Variants in VEGFA observed in about 807,000 individuals in gnomAD.
VEGFA encodes the protein vascular endothelial growth factor A.
A neutral mutation model predicts 49.7 loss-of-function variants in VEGFA; 20 were observed. The ratio of observed to expected loss-of-function variants is 0.40; its 90% confidence interval spans 0.28 to 0.58. VEGFA has a LOEUF of 0.58. Ranked by LOEUF, VEGFA falls within the 20% of genes least tolerant of loss-of-function variation. The pLI is 0.40. For synonymous variants in VEGFA, 219 were observed against 223.4 expected (o/e 0.98, Z 0.18); for missense variants, 505 against 553.5 (o/e 0.91, Z 0.88).
Position 43,784,966 on chromosome 6 carries a change from T to A in VEGFA, c.*404T>A, listed in dbSNP as rs1769215953. ...ATATATAAAAATAAATATCTCTATT[T>A]TATATATATAAAATATATATATTCT... On this transcript the variant is annotated 3_prime_UTR_variant, in exon 8 of 8. Transcript: ENST00000672860. The A allele has an allele frequency of 5.7e-6, 1 of 176,256 alleles. No individual in the cohort carries two copies. Among genetic ancestry groups the A allele is most frequent in the Non-Finnish European group, 1.2e-5 (1 of 84,374 alleles). 10.9% of individuals were successfully genotyped at this position (176,256 alleles called of 1,614,324 possible).
intron 5 of VEGFA, chr6:43,780,295 C>T: frequency 3.5e-6 from 1 of 286,602 alleles, no homozygotes; most frequent in South Asian, 3.6e-5. Flanking sequence ...CTGACCTTCT[C>T]CCCAAAGTCT....
rs1182403544 is a variant in VEGFA, at chr6:43,784,733, C to A, written c.*171C>A. ...TGAAATGAAGGAAGAGGAGACTCTGCGCAGAGCACTTTGGGTCCGGAGGGC... is the reference window on the plus strand; with the variant it reads ...TGAAATGAAGGAAGAGGAGACTCTGAGCAGAGCACTTTGGGTCCGGAGGGC... On this transcript the variant is annotated 3_prime_UTR_variant, in exon 8 of 8. Coordinates refer to ENST00000672860, the MANE Select transcript of VEGFA (RefSeq NM_003376.6). The A allele has an allele frequency of 7.7e-7, 1 of 1,298,800 alleles. No individual in the cohort carries two copies. Among genetic ancestry groups the A allele is most frequent in the Non-Finnish European group, 1.1e-6 (1 of 907,080 alleles). 80.5% of individuals were successfully genotyped at this position (1,298,800 alleles called of 1,614,324 possible).
At chr6:43,780,501 T>C in intron 5 of VEGFA, 1 of 589,048 alleles carries the variant, frequency 1.7e-6, no homozygotes, top group Non-Finnish European at 3.0e-6. Context: ...TGCCATCCCA[T>C]GGTGGGCAGC....
Position 43,777,256 on chromosome 6 carries a change from G to A in VEGFA, c.659-213G>A, listed in dbSNP as rs1765739262. 1.6e-6 allele frequency: 1 copy of A among 641,330 alleles called. No individual in the cohort carries two copies. The highest frequency in any genetic ancestry group is 1.7e-5 in the South Asian group (1 of 58,480). The allele number at this position is 641,330 out of a possible 1,614,324, so 39.7% of individuals were successfully genotyped here. A position where few individuals can be genotyped will look rare whatever the true frequency, so the allele number is the denominator to read the frequency against. On this transcript the variant is annotated intron_variant, in intron 2 of 7. Transcript: ENST00000672860. The surrounding 1 kb of genome is among the most constrained non-coding windows in gnomAD (Gnocchi z 4.3). ...CCCTTGGAACTTGAGTACATCGTGT[G>A]ATCTCTGGAATGAAAACAGGCCTTC...
In VEGFA at chr6:43,771,223, G is replaced by C. The variant is rs1219959057; in HGVS notation, c.517G>C (p.Gly173Arg). The C allele has an allele frequency of 6.2e-7, 1 of 1,604,986 alleles. No individual in the cohort carries two copies. The highest frequency in any genetic ancestry group is 8.5e-7 in the Non-Finnish European group (1 of 1,177,004). The change falls in exon 1 of 8, where the codon GGC becomes CGC. Residue 173 changes from glycine (G) to arginine (R), a missense_variant. Physicochemically the swap from Gly to Arg is moderately radical, Grantham distance 125. This residue lies in a region of VEGFA where 340 missense variants were observed against 321.8 expected (regional missense o/e 1.06). Transcript: ENST00000672860. Reference sequence around the variant, plus strand: ...CCGGAGAGGGAGCGCGAGCCGCGCCGGCCCCGGTCGGGCCTCCGAAACCAT... The same window carrying C: ...CCGGAGAGGGAGCGCGAGCCGCGCCCGCCCCGGTCGGGCCTCCGAAACCAT...
rs796446173 is a variant in VEGFA, at chr6:43,786,096, A to G, written c.*1534A>G. On this transcript the variant is annotated 3_prime_UTR_variant, in exon 8 of 8. Transcript: ENST00000672860. ...CACATTCCTTTGAAATAAGGTTTCA[A>G]TATACATCTACATACTATATATATA... The G allele has an allele frequency of 7.8e-5, 14 of 180,538 alleles. No homozygotes were observed. Among genetic ancestry groups the G allele is most frequent in the African/African-American group, 3.3e-4 (14 of 42,492 alleles). 11.2% of individuals were successfully genotyped at this position (180,538 alleles called of 1,614,324 possible).
chr6:43,770,680 T>A lies in VEGFA; in HGVS notation c.-27T>A. The A allele has an allele frequency of 1.3e-6, 2 of 1,538,868 alleles. No individual in the cohort carries two copies. Among genetic ancestry groups the A allele is most frequent in the Non-Finnish European group, 1.7e-6 (2 of 1,155,162 alleles). ...CGGAGCGCGGCGTGAGCCCTCCCCC[T>A]TGGGATCCCGCAGCTGACCAGTCGC... is the stretch of plus-strand genomic sequence containing the variant. On this transcript the variant is annotated 5_prime_UTR_variant, in exon 1 of 8. It adds an upstream start codon to the 5' untranslated region. Coordinates refer to ENST00000672860, the MANE Select transcript of VEGFA (RefSeq NM_003376.6).
chr6:43,778,851 C>T, intron 4 of VEGFA, 38 bp from the exon 5 acceptor site: 1 of 1,612,750 alleles, frequency 6.2e-7, no homozygotes, highest in Non-Finnish European at 8.5e-7. Flanking sequence ...CTTAACCCTT[C>T]CCTGTTTTGC....
chr6:43,777,168 T>A lies in VEGFA; in HGVS notation c.659-301T>A. ...CTCAGACTGTCCTCTGGCATCGAGG[T>A]TGGCCCAGGATTCAGTTCAGCTGTC... is the stretch of plus-strand genomic sequence containing the variant. On this transcript the variant is annotated intron_variant, in intron 2 of 7. Transcript: ENST00000672860. The surrounding 1 kb of genome is among the most constrained non-coding windows in gnomAD (Gnocchi z 4.3). 1 of 471,830 alleles carries A rather than the reference T, an allele frequency of 2.1e-6. No individual in the cohort carries two copies. The highest frequency in any genetic ancestry group is 3.0e-5 in the Admixed American group (1 of 32,914). 29.2% of individuals were successfully genotyped at this position (471,830 alleles called of 1,614,324 possible). A position where few individuals can be genotyped will look rare whatever the true frequency, so the allele number is the denominator to read the frequency against.
At position 43,771,156 on chromosome 6, in the gene VEGFA, T is replaced by TCGCCGAGG. The variant is rs1246269686; in HGVS notation, c.459_466dup (p.Glu156AlafsTer29). ...CCTCGGGCCGGGGAGGAAGAGTAGC[T>TCGCCGAGG]CGCCGAGGCGCCGAGGAGAGCGGGC... is the stretch of plus-strand genomic sequence containing the variant. On this transcript the variant is annotated frameshift_variant, in exon 1 of 8. Coordinates refer to ENST00000672860, the MANE Select transcript of VEGFA (RefSeq NM_003376.6). LOFTEE classifies it high-confidence loss of function. The TCGCCGAGG allele has an allele frequency of 2.0e-6, 3 of 1,527,714 alleles. No individual in the cohort carries two copies. 94.6% of individuals were successfully genotyped at this position (1,527,714 alleles called of 1,614,324 possible).
intron 5 of VEGFA, 110 bp from the exon 6 acceptor site, chr6:43,780,622 C>A: frequency 6.7e-7 from 1 of 1,501,192 alleles, no homozygotes; most frequent in East Asian, 2.3e-5. Context: ...CGGGAAGCGG[C>A]CCTGTGTGGC....
chr6:43,776,555 C>T (rs1189705285), intron 2 of VEGFA: 2 of 152,326 alleles, frequency 1.3e-5, no homozygotes, highest in Admixed American at 6.5e-5. Context: ...AGAAATGTTT[C>T]GTGGCTACAG....
chr6:43,772,050 C>T lies in VEGFA; in HGVS notation c.606+738C>T. On this transcript the variant is annotated intron_variant, in intron 1 of 7. Coordinates refer to ENST00000672860, the MANE Select transcript of VEGFA (RefSeq NM_003376.6). ...TGCCCGAATGGGGAGCCCAGAGTGGCGAGCGGCACCCCTCCCCCCGCCAGC... is the reference window on the plus strand; with the variant it reads ...TGCCCGAATGGGGAGCCCAGAGTGGTGAGCGGCACCCCTCCCCCCGCCAGC... The T allele has an allele frequency of 3.0e-6, 3 of 985,474 alleles. No homozygotes were observed. In the South Asian group the frequency reaches 1.4e-4, roughly 46 times the overall value. 61.0% of individuals were successfully genotyped at this position (985,474 alleles called of 1,614,324 possible).
At chr6:43,783,066 T>G (rs1371593491) in intron 7 of VEGFA, 1 of 152,134 alleles carries the variant, frequency 6.6e-6, no homozygotes, top group Non-Finnish European at 1.5e-5. Context: ...ACCAAGGAAG[T>G]GTCAAGTGCA....
chr6:43,781,651 C>G, intron 6 of VEGFA: 1 of 390,884 alleles, frequency 2.6e-6, no homozygotes, highest in South Asian at 2.1e-5. Flanking sequence ...CAGTTGGGTC[C>G]CTGTGGCCTG....
intron 7 of VEGFA, chr6:43,783,251 G>A (rs1768489914): frequency 6.6e-6 from 1 of 152,298 alleles, no homozygotes; most frequent in Non-Finnish European, 1.5e-5. Context: ...AAGACTTTGT[G>A]GGGATTTCCT....
chr6:43,779,612 C>T, intron 5 of VEGFA: 1 of 444,360 alleles, frequency 2.3e-6, no homozygotes, highest in South Asian at 1.6e-5. Context: ...TGCCCTTTCC[C>T]CCACACCATC....
chr6:43,784,944 TATAAAAATAAATATCTCTATTTTATA>T lies in VEGFA; in HGVS notation c.*383_*408del, dbSNP rs1769212181. 1 of 178,804 alleles carries T rather than the reference TATAAAAATAAATATCTCTATTTTATA, an allele frequency of 5.6e-6. No individual in the cohort carries two copies. Among genetic ancestry groups the T allele is most frequent in the African/African-American group, 2.4e-5 (1 of 41,818 alleles). 11.1% of individuals were successfully genotyped at this position (178,804 alleles called of 1,614,324 possible). A position where few individuals can be genotyped will look rare whatever the true frequency, so the allele number is the denominator to read the frequency against. On this transcript the variant is annotated 3_prime_UTR_variant, in exon 8 of 8. Coordinates refer to ENST00000672860, the MANE Select transcript of VEGFA (RefSeq NM_003376.6). ...TTTATATATATATATATTATATATA[TATAAAAATAAATATCTCTATTTTATA>T]TATATAAAATATATATATTCTTTTT...
chr6:43,781,119 G>A lies in VEGFA; in HGVS notation c.1034+316G>A, dbSNP rs151103064. Reference sequence around the variant, plus strand: ...TGGGCACTGGTGGCGGGCCCATGTTGGCACAGGTGCCTGCTCACCCAACTG... The same window carrying A: ...TGGGCACTGGTGGCGGGCCCATGTTAGCACAGGTGCCTGCTCACCCAACTG... On this transcript the variant is annotated intron_variant, in intron 6 of 7. Coordinates refer to ENST00000672860, the MANE Select transcript of VEGFA (RefSeq NM_003376.6). The A allele has an allele frequency of 6.9e-6, 4 of 577,836 alleles. No homozygotes were observed. The African/African-American group carries it at 7.5e-5, about 11-fold the overall frequency. The allele number at this position is 577,836 out of a possible 1,614,324, so 35.8% of individuals were successfully genotyped here.
Sources: allele counts gnomAD v4.1 joint callset, GRCh38; gene constraint gnomAD v4.1.1; regional missense constraint gnomAD v4.1.1; non-coding constraint Gnocchi (gnomAD v3.1); transcripts MANE v1.5; gene names NCBI Gene and HGNC (gene_info 2026-07-23, HGNC 2026-07-21).